The following SCOC variants were observed in gnomAD, a reference collection of about 807,000 sequenced individuals.
SCOC encodes the protein short coiled coil protein.
A neutral mutation model predicts 9.9 loss-of-function variants in SCOC; 7 were observed. The ratio of observed to expected loss-of-function variants is 0.71; its 90% CI spans 0.40 to 1.33. The LOEUF (loss-of-function observed/expected upper bound fraction) is 1.33. Ranked by LOEUF, SCOC falls within the 40% of genes most tolerant of loss-of-function variation. The probability of loss-of-function intolerance (pLI) is 0.01; values close to 1 mark genes in which losing one functional copy is unlikely to be tolerated. For missense variants in SCOC, 66 were observed against 89.7 expected (o/e 0.74, Z 1.07); for synonymous variants, 19 against 28.2 (o/e 0.67, Z 1.03).
At chr4:140,295,953 A>G (rs1245266206) in intron 1 of SCOC, among the ~76,000 whole-genome samples, 1 of 146,626 alleles carries the variant, frequency 6.8e-6, no homozygotes, top group Admixed American at 6.7e-5. Flanking sequence ...AAAAAGAAAG[A>G]AAGAAAAAAA....
chr4:140,313,267 C>T (rs778498999), intron 1 of SCOC, among the ~76,000 whole-genome samples: 13 of 152,068 alleles, frequency 8.5e-5, no homozygotes, highest in East Asian at 5.8e-4. Flanking sequence ...TTTTTTGAAA[C>T]GGAGTTTTGT....
At chr4:140,380,387 A>G (rs2126603162) in intron 3 of SCOC, among the ~76,000 whole-genome samples, 1 of 151,570 alleles carries the variant, frequency 6.6e-6, no homozygotes, top group East Asian at 1.9e-4. Flanking sequence ...TTTAGTAGAG[A>G]TAGGGTTTCA....
At chr4:140,344,495 C>T (rs1176688012) in intron 2 of SCOC, among the ~76,000 whole-genome samples, 3 of 152,194 alleles carry the variant, frequency 2.0e-5, no homozygotes, top group Non-Finnish European at 4.4e-5. Context: ...AGCCACGCTT[C>T]TCCACTTTCT....
intron 2 of SCOC, among the ~76,000 whole-genome samples, chr4:140,362,235 T>A (rs1727522326): frequency 9.4e-6 from 1 of 106,306 alleles, no homozygotes; most frequent in Non-Finnish European, 2.1e-5. Flanking sequence ...AAGCAATTGT[T>A]TTAAAACAAA....
chr4:140,344,014 GCCA>G (rs1489231162), intron 2 of SCOC, among the ~76,000 whole-genome samples: 1 of 152,018 alleles, frequency 6.6e-6, no homozygotes, highest in Non-Finnish European at 1.5e-5. Flanking sequence ...CTATAATATC[GCCA>G]CATTTTGTTC....
chr4:140,377,580 C>T (rs1728395456), intron 1 of SCOC, among the ~76,000 whole-genome samples: 1 of 152,106 alleles, frequency 6.6e-6, no homozygotes. Context: ...CTAGTGAGTG[C>T]TATCTAACTT....
chr4:140,321,116 C>T (rs911466234), intron 1 of SCOC, among the ~76,000 whole-genome samples: 1 of 152,128 alleles, frequency 6.6e-6, no homozygotes, highest in East Asian at 1.9e-4. Context: ...AGCTTCTGGA[C>T]CCCTGAGGGT....
chr4:140,376,993 T>C (rs1481397891), intron 1 of SCOC, among the ~76,000 whole-genome samples: 9 of 152,220 alleles, frequency 5.9e-5, no homozygotes, highest in Non-Finnish European at 1.0e-4. Flanking sequence ...CTTAAAATCA[T>C]TGGATATGAG....
intron 1 of SCOC, among the ~76,000 whole-genome samples, chr4:140,264,535 A>C (rs1186092474): frequency 1.3e-5 from 2 of 152,206 alleles, no homozygotes; most frequent in Non-Finnish European, 2.9e-5. Context: ...GCTGAGAAAC[A>C]CTTGAGAGAA....
chr4:140,367,048 A>G (rs1268909671), intron 2 of SCOC, among the ~76,000 whole-genome samples: 1 of 152,100 alleles, frequency 6.6e-6, no homozygotes, highest in South Asian at 2.1e-4. Context: ...TCTACTAAAA[A>G]TACAAAAATT....
chr4:140,375,981 C>T (rs768696792), intron 1 of SCOC, among the ~76,000 whole-genome samples: 1 of 151,912 alleles, frequency 6.6e-6, no homozygotes, highest in Non-Finnish European at 1.5e-5. Context: ...ATCAGATTTG[C>T]GTTTATATAT....
At position 140,355,297 on chromosome 4, in the gene SCOC, G is replaced by C. The variant is rs759845941; in HGVS notation, c.70+11589G>C. On this transcript the variant is annotated intron_variant, in intron 2 of 4. Transcript: ENST00000338517. ...GAACAATGATACCCTGACTAATACAGTCTCTTAGGTGCATAATGATAATAA... is the reference window on the plus strand; with the variant it reads ...GAACAATGATACCCTGACTAATACACTCTCTTAGGTGCATAATGATAATAA... Among the ~76,000 whole-genome samples the C allele has an allele frequency of 5.4e-5, 8 of 148,660 alleles. No individual in the cohort carries two copies. The South Asian group carries it at 6.4e-4, about 12-fold the overall frequency.
chr4:140,325,973 C>T lies in SCOC; in HGVS notation c.-18-17648C>T, dbSNP rs550628522. Among the ~76,000 whole-genome samples the T allele has an allele frequency of 1.1e-4, 16 of 152,224 alleles. No individual in the cohort carries two copies. The East Asian group carries it at 1.7e-3, about 17-fold the overall frequency. On this transcript the variant is annotated intron_variant, in intron 1 of 4. Coordinates refer to the SCOC transcript ENST00000394205. ...ATGGAATAAGGAACTGTGATATATC[C>T]GTACAGTAGGCTATTGCTCAACAAT...
chr4:140,363,814 TG>T (rs1369979982), intron 2 of SCOC, among the ~76,000 whole-genome samples: 1 of 152,236 alleles, frequency 6.6e-6, no homozygotes, highest in Non-Finnish European at 1.5e-5. Flanking sequence ...TAATCTCTTG[TG>T]GTTCTCTAGT....
intron 2 of SCOC, among the ~76,000 whole-genome samples, chr4:140,346,564 A>C (rs1225256770): frequency 1.3e-5 from 2 of 152,156 alleles, no homozygotes; most frequent in Non-Finnish European, 2.9e-5. Flanking sequence ...TGAGGAAAGG[A>C]TTGAAGGCAT....
At chr4:140,281,687 C>T (rs1731100094) in intron 1 of SCOC, among the ~76,000 whole-genome samples, 1 of 152,184 alleles carries the variant, frequency 6.6e-6, no homozygotes, top group Non-Finnish European at 1.5e-5. Context: ...CAACTCAGGA[C>T]CACCTGGGGC....
chr4:140,348,183 C>T lies in SCOC; in HGVS notation c.70+4475C>T, dbSNP rs528554423. 6.6e-5 allele frequency among the ~76,000 whole-genome samples: 10 copies of T among 152,170 alleles called. No homozygotes were observed. In the South Asian group the frequency reaches 2.1e-3, roughly 32 times the overall value. On this transcript the variant is annotated intron_variant, in intron 2 of 4. Transcript: ENST00000338517. ...GGTGAGAACACTTAAAATCTACTCT[C>T]TTTGAAATATTTAAGTATACAATAT...
At chr4:140,354,415 A>C (rs1327751353) in intron 2 of SCOC, among the ~76,000 whole-genome samples, 1 of 150,592 alleles carries the variant, frequency 6.6e-6, no homozygotes. Flanking sequence ...TAACCGCTAC[A>C]TTTCTCAGCC....
intron 1 of SCOC, chr4:140,343,481 T>G (rs1726584347): frequency 1.7e-6 from 1 of 584,422 alleles, no homozygotes; most frequent in African/African-American, 1.9e-5. Context: ...TGAGAACTTC[T>G]CAGGTGGAAA....
Sources: allele counts gnomAD v4.1 joint callset (sites outside exome capture counted in the v4.1 genomes callset), GRCh38; gene constraint gnomAD v4.1.1; transcripts MANE v1.5; gene names NCBI Gene and HGNC (gene_info 2026-07-23, HGNC 2026-07-21).